CFLAR: variants seen among roughly 807,000 people sequenced by gnomAD.
CFLAR encodes CASP8 and FADD-like apoptosis regulator.
In CFLAR, 14 loss-of-function variants were observed where a neutral mutation model predicts 51.1. The observed-to-expected ratio is 0.27, with a 90% CI of 0.18 to 0.43. The LOEUF (loss-of-function observed/expected upper bound fraction) is 0.43. Among genes scored for constraint, CFLAR ranks in the 20% least tolerant of loss-of-function variants. The pLI is 1.00. For synonymous variants in CFLAR, 210 were observed against 211.6 expected, an observed-to-expected ratio of 0.99 and a Z score of 0.06; for missense variants, 390 against 566.5, an observed-to-expected ratio of 0.69 and a Z score of 3.16.
chr2:201,156,501 A>G (rs1442331077), intron 8 of CFLAR, among the ~76,000 whole-genome samples: 2 of 152,232 alleles, frequency 1.3e-5, no homozygotes, highest in Non-Finnish European at 2.9e-5. Context: ...TATTTTATAC[A>G]TTTATTTAAT....
intron 8 of CFLAR, among the ~76,000 whole-genome samples, chr2:201,155,055 T>C (rs1941926740): frequency 6.6e-6 from 1 of 152,192 alleles, no homozygotes; most frequent in African/African-American, 2.4e-5. Flanking sequence ...GTCTTTGGTG[T>C]TGTGTCATCT....
rs369277646 is a variant in CFLAR, at chr2:201,160,775, G to A, written c.1137G>A (p.Ala379=). 13 of 1,614,130 alleles carry A rather than the reference G, an allele frequency of 8.1e-6. No individual in the cohort carries two copies. The highest frequency in any genetic ancestry group is 2.2e-5 in the South Asian group (2 of 91,074). ...GCCTCTTGGAGGTGGATGGGCCAGC[G>A]ATGAAGAATGTGGAATTCAAGGCTC... ...DSSLLEVDGP[A]MKNVEFKAQK... The change falls in exon 9 of 10, where the codon GCG becomes GCA. Residue 379 remains alanine (A), a synonymous_variant. Transcript: ENST00000309955.
In CFLAR at chr2:201,138,262, G is replaced by A. The variant is rs534014726; in HGVS notation, c.524-2095G>A. 5.8e-4 allele frequency: 472 copies of A among 820,004 alleles called. 4 individuals are homozygous for A. The highest frequency in any genetic ancestry group is 1.1e-4 in the Non-Finnish European group (51 of 460,210). 50.8% of individuals were successfully genotyped at this position (820,004 alleles called of 1,614,324 possible). A position where few individuals can be genotyped will look rare whatever the true frequency, so the allele number is the denominator to read the frequency against. ...ACGAGTCCAAGCCTATGACATTGAC[G>A]CCTACCTGGGTGAGCAGGTCCAGGT... is the stretch of plus-strand genomic sequence containing the variant. On this transcript the variant is annotated intron_variant, in intron 4 of 9. Transcript: ENST00000309955. The surrounding 1 kb of genome is among the most constrained non-coding windows in gnomAD (Gnocchi z 4.0).
intron 5 of CFLAR, 199 bp downstream of exon 5, chr2:201,140,638 GAA>G (rs1559208940): frequency 1.2e-5 from 6 of 510,934 alleles, no homozygotes. Context: ...AGACTATAGA[GAA>G]AGATAAAAGA....
chr2:201,145,636 G>A (rs879153943), intron 6 of CFLAR: 11 of 519,316 alleles, frequency 2.1e-5, no homozygotes, highest in Middle Eastern at 5.0e-4. Context: ...GAACACCATC[G>A]TACTCCATCA....
rs1354644325 is a variant in CFLAR, at chr2:201,176,349, A to T, written c.*12376A>T. ...TGTGACCAATTATTACTTTACAGAA[A>T]CATTTAACAACCGCCTGACCATCAC... On this transcript the variant is annotated 3_prime_UTR_variant, in exon 10 of 10. Transcript: ENST00000309955. 1.3e-5 allele frequency: 2 copies of T among 151,242 alleles called. No individual in the cohort carries two copies. The highest frequency in any genetic ancestry group is 2.9e-5 in the Non-Finnish European group (2 of 67,994). 9.4% of individuals were successfully genotyped at this position (151,242 alleles called of 1,614,324 possible).
Position 201,164,132 on chromosome 2 carries a change from G to T in CFLAR, c.*159G>T. 1.9e-6 allele frequency: 1 copy of T among 525,132 alleles called. No individual in the cohort carries two copies. The highest frequency in any genetic ancestry group is 3.3e-6 in the Non-Finnish European group (1 of 302,046). The allele number at this position is 525,132 out of a possible 1,614,324, so 32.5% of individuals were successfully genotyped here. On this transcript the variant is annotated 3_prime_UTR_variant, in exon 10 of 10. Coordinates refer to ENST00000309955, the MANE Select transcript of CFLAR (RefSeq NM_003879.7). Reference sequence around the variant, plus strand: ...ATACAAAAATTAGCTGGGTGTGGGTGTGGGTACCTGTATTCCCAGTTACTT... The same window carrying T: ...ATACAAAAATTAGCTGGGTGTGGGTTTGGGTACCTGTATTCCCAGTTACTT...
chr2:201,173,932 A>G lies in CFLAR; in HGVS notation c.*9959A>G, dbSNP rs566441919. The G allele has an allele frequency of 7.2e-5, 11 of 152,396 alleles. No individual in the cohort carries two copies. In the East Asian group the frequency reaches 2.1e-3, roughly 29 times the overall value. 9.4% of individuals were successfully genotyped at this position (152,396 alleles called of 1,614,324 possible). A position where few individuals can be genotyped will look rare whatever the true frequency, so the allele number is the denominator to read the frequency against. On this transcript the variant is annotated 3_prime_UTR_variant, in exon 10 of 10. Transcript: ENST00000309955. ...GGTGATCTGCCTGCCTCGGCCTCCC[A>G]AAATGCTAGGATTACAGGCGTGAGC...
At chr2:201,131,687 T>G (rs1325587640) in intron 2 of CFLAR, among the ~76,000 whole-genome samples, 1 of 152,158 alleles carries the variant, frequency 6.6e-6, no homozygotes, top group Non-Finnish European at 1.5e-5. Flanking sequence ...CCTGTTTTTT[T>G]GGTTTTTGTT....
chr2:201,130,090 C>T lies in CFLAR; in HGVS notation c.225C>T (p.Asp75=). ...FDLLKRILKM[D]RKAVETHLLR... is the part of the protein sequence containing the mutation. ...TGCTCAAACGTATCTTGAAGATGGA[C>T]AGAAAAGCTGTGGAGACCCACCTGC... The change falls in exon 2 of 10, where the codon GAC becomes GAT. Residue 75 remains aspartate, a synonymous_variant. Coordinates refer to ENST00000309955, the MANE Select transcript of CFLAR (RefSeq NM_003879.7). The T allele has an allele frequency of 6.5e-7, 1 of 1,529,360 alleles. No individual in the cohort carries two copies. Among genetic ancestry groups the T allele is most frequent in the Non-Finnish European group, 8.8e-7 (1 of 1,130,166 alleles). The allele number at this position is 1,529,360 out of a possible 1,614,324, so 94.7% of individuals were successfully genotyped here.
intron 5 of CFLAR, chr2:201,143,360 T>TA (rs1477363493): frequency 6.6e-6 from 1 of 151,940 alleles, no homozygotes; most frequent in Non-Finnish European, 1.5e-5. Context: ...TAATCCCAGC[T>TA]ACTTGCGAGG....
Position 201,159,310 on chromosome 2 carries a change from T to C in CFLAR, c.794-1122T>C, listed in dbSNP as rs183815839. Among the ~76,000 whole-genome samples, 154 of 151,718 alleles carry C rather than the reference T, an allele frequency of 1.0e-3. 1 individual carries two copies. Among genetic ancestry groups the C allele is most frequent in the Admixed American group, 3.9e-3 (59 of 15,224 alleles). ...AGCTCTTCATTCTTACATGATATAA[T>C]AATTAATTTTTTTTTTTGAGACAGA... On this transcript the variant is annotated intron_variant, in intron 8 of 9. Transcript: ENST00000309955.
Position 201,145,360 on chromosome 2 carries a change from T to A in CFLAR, c.607-18T>A. On this transcript the variant is annotated intron_variant, in intron 5 of 9. Coordinates refer to ENST00000309955, the MANE Select transcript of CFLAR (RefSeq NM_003879.7). Reference sequence around the variant, plus strand: ...AAATAACTAACAGGAAGTATGACCTTATTCTTTGTATTTGAAGCTCCATAA... The same window carrying A: ...AAATAACTAACAGGAAGTATGACCTAATTCTTTGTATTTGAAGCTCCATAA... 6.5e-7 allele frequency: 1 copy of A among 1,532,860 alleles called. No individual in the cohort carries two copies. Among genetic ancestry groups the A allele is most frequent in the East Asian group, 2.2e-5 (1 of 44,496 alleles). The allele number at this position is 1,532,860 out of a possible 1,614,324, so 95.0% of individuals were successfully genotyped here. A position where few individuals can be genotyped will look rare whatever the true frequency, so the allele number is the denominator to read the frequency against.
In CFLAR at chr2:201,137,147, G is replaced by A. The variant is rs547282221; in HGVS notation, c.523+1040G>A. 43 of 186,294 alleles carry A rather than the reference G, an allele frequency of 2.3e-4. No homozygotes were observed. The South Asian group carries it at 4.6e-3, about 20-fold the overall frequency. The allele number at this position is 186,294 out of a possible 1,614,324, so 11.5% of individuals were successfully genotyped here. A position where few individuals can be genotyped will look rare whatever the true frequency, so the allele number is the denominator to read the frequency against. On this transcript the variant is annotated intron_variant, in intron 4 of 9. Transcript: ENST00000309955. ...CAGGGTCAGGAGAGCACCATTTCCT[G>A]GGGGGCTGGGGACAGGGAGGTGCCC...
intron 1 of CFLAR, among the ~76,000 whole-genome samples, chr2:201,128,779 G>A (rs762308945): frequency 2.0e-5 from 3 of 152,180 alleles, no homozygotes; most frequent in African/African-American, 4.8e-5. Context: ...GAACACAAGA[G>A]GTGATTTAAC....
Position 201,170,318 on chromosome 2 carries a change from C to A in CFLAR, c.*6345C>A, listed in dbSNP as rs1037564394. 6.6e-6 allele frequency: 1 copy of A among 152,108 alleles called. No individual in the cohort carries two copies. Among genetic ancestry groups the A allele is most frequent in the Non-Finnish European group, 1.5e-5 (1 of 68,006 alleles). The allele number at this position is 152,108 out of a possible 1,614,324, so 9.4% of individuals were successfully genotyped here. A position where few individuals can be genotyped will look rare whatever the true frequency, so the allele number is the denominator to read the frequency against. ...CAGTGAATCAGATTTTTCATTAATT[C>A]TTTTAATTGGTTATTACTGAACGTG... On this transcript the variant is annotated 3_prime_UTR_variant, in exon 10 of 10. Transcript: ENST00000309955.
chr2:201,150,679 G>A (rs1404160024), intron 8 of CFLAR, among the ~76,000 whole-genome samples: 7 of 152,124 alleles, frequency 4.6e-5, no homozygotes, highest in South Asian at 4.1e-4. Context: ...AGCAGATAAG[G>A]GAAGAGAGAA....
intron 8 of CFLAR, among the ~76,000 whole-genome samples, chr2:201,156,835 T>G (rs1942259698): frequency 6.6e-6 from 1 of 152,118 alleles, no homozygotes; most frequent in African/African-American, 2.4e-5. Flanking sequence ...AAGTGGGTCT[T>G]CTGTAGTTTG....
At position 201,165,139 on chromosome 2, in the gene CFLAR, C is replaced by T. The variant is rs1234436571; in HGVS notation, c.*1166C>T. ...GATTTAGAGGTTACTTGTTCATTCA[C>T]CTAGACCTCAAATTGCATTTTACAG... On this transcript the variant is annotated 3_prime_UTR_variant, in exon 10 of 10. Coordinates refer to ENST00000309955, the MANE Select transcript of CFLAR (RefSeq NM_003879.7). 6.6e-6 allele frequency: 1 copy of T among 151,990 alleles called. No individual in the cohort carries two copies. The highest frequency in any genetic ancestry group is 1.5e-5 in the Non-Finnish European group (1 of 68,022). 9.4% of individuals were successfully genotyped at this position (151,990 alleles called of 1,614,324 possible).
Sources: allele counts gnomAD v4.1 joint callset (sites outside exome capture counted in the v4.1 genomes callset), GRCh38; gene constraint gnomAD v4.1.1; non-coding constraint Gnocchi (gnomAD v3.1); transcripts MANE v1.5; gene names NCBI Gene and HGNC (gene_info 2026-07-23, HGNC 2026-07-21).